PRDM8: variants seen among roughly 807,000 people sequenced by gnomAD.
PRDM8 encodes the protein PR/SET domain 8, also known as PR domain zinc finger protein 8.
Under a neutral mutation model 46.5 loss-of-function variants are expected in PRDM8, and 13 were observed. The observed-to-expected ratio is 0.28, with a 90% CI of 0.18 to 0.44. The LOEUF (loss-of-function observed/expected upper bound fraction) is 0.44, where lower values mean the gene tolerates loss of function less well. Ranked by LOEUF, PRDM8 falls within the 20% of genes least tolerant of loss-of-function variation. The probability of loss-of-function intolerance (pLI) is 1.00; values close to 1 mark genes in which losing one functional copy is unlikely to be tolerated. For synonymous variants in PRDM8, 473 were observed against 438.4 expected, an observed-to-expected ratio of 1.08 and a Z score of -0.98; for missense variants, 998 against 955.0, an observed-to-expected ratio of 1.04 and a Z score of -0.59.
At chr4:80,193,140 A>T (rs1560468117), upstream of PRDM8, among the ~76,000 whole-genome samples, 1 of 152,162 alleles carries the variant, frequency 6.6e-6, no homozygotes, top group Non-Finnish European at 1.5e-5. Flanking sequence ...AGAAGTAATG[A>T]TCCCTACAGT....
chr4:80,189,380 C>A (rs1737371132), intron 1 of PRDM8, among the ~76,000 whole-genome samples: 1 of 151,716 alleles, frequency 6.6e-6, no homozygotes, highest in Non-Finnish European at 1.5e-5. Flanking sequence ...ATCTACCGGG[C>A]AGGCCTTCCG....
chr4:80,190,335 T>C (rs1395289004), intron 1 of PRDM8, among the ~76,000 whole-genome samples: 2 of 152,234 alleles, frequency 1.3e-5, no homozygotes, highest in Non-Finnish European at 2.9e-5. Context: ...CCTTGGGAAC[T>C]GCATTTCCTC....
Position 80,203,741 on chromosome 4 carries a change from C to T in PRDM8, c.*209C>T. ...CAAATATTTACCCGGGACACACACC[C>T]CCCCCCACACACACACACAGACACA... On this transcript the variant is annotated 3_prime_UTR_variant, in exon 4 of 4. Transcript: ENST00000415738. 2.1e-6 allele frequency: 1 copy of T among 480,956 alleles called. No individual in the cohort carries two copies. Among genetic ancestry groups the T allele is most frequent in the Non-Finnish European group, 3.6e-6 (1 of 274,602 alleles). The allele number at this position is 480,956 out of a possible 1,614,324, so 29.8% of individuals were successfully genotyped here.
upstream of PRDM8, chr4:80,195,983 G>A: frequency 2.6e-6 from 2 of 778,160 alleles, no homozygotes; most frequent in Non-Finnish European, 3.1e-6. Context: ...TGAACTTCAT[G>A]GGAAAGTCCT....
upstream of PRDM8, chr4:80,196,286 T>C (rs1183897612): frequency 1.0e-6 from 1 of 977,076 alleles, no homozygotes; most frequent in Non-Finnish European, 1.2e-6. Flanking sequence ...AAAGTAGTGG[T>C]GGTGTGTGTG....
At chr4:80,194,789 A>C (rs2109869078), upstream of PRDM8, among the ~76,000 whole-genome samples, 1 of 152,338 alleles carries the variant, frequency 6.6e-6, no homozygotes, top group African/African-American at 2.4e-5. Context: ...AACTGAAATG[A>C]AGCATCTGTT....
In PRDM8 at chr4:80,202,832, G is replaced by T; in HGVS notation, c.1370G>T (p.Gly457Val). ...SRLEGGSPAR[G>V]SAFTSVPQLG... ...CTCGAGGGCGGCAGTCCTGCGAGGG[G>T]CAGCGCCTTCACTTCGGTGCCGCAG... The change falls in exon 4 of 4, where the codon GGC becomes GTC. Residue 457 changes from glycine (G) to valine (V), a missense_variant. Transcript: ENST00000415738. 1 of 1,229,934 alleles carries T rather than the reference G, an allele frequency of 8.1e-7. No homozygotes were observed. Among genetic ancestry groups the T allele is most frequent in the East Asian group, 3.4e-5 (1 of 29,588 alleles). The allele number at this position is 1,229,934 out of a possible 1,614,324, so 76.2% of individuals were successfully genotyped here.
upstream of PRDM8, chr4:80,196,294 G>A: frequency 1.0e-6 from 1 of 982,604 alleles, no homozygotes; most frequent in Non-Finnish European, 1.2e-6. Flanking sequence ...GGTGGTGTGT[G>A]TGGGGCTGAA....
In PRDM8 at chr4:80,202,155, C is replaced by G. The variant is rs761780517; in HGVS notation, c.693C>G (p.Gly231=). The change falls in exon 4 of 4, where the codon GGC becomes GGG. Residue 231 remains glycine, a synonymous_variant. Coordinates refer to ENST00000415738, the MANE Select transcript of PRDM8 (RefSeq NM_001099403.2). The part of the protein sequence containing the change: ...LGPGPKFCKA[G]PLHHYPSPSP... ...CGGGTCCCAAGTTTTGCAAAGCCGG[C>G]CCCCTCCACCACTACCCATCCCCCT... 3 of 1,610,196 alleles carry G rather than the reference C, an allele frequency of 1.9e-6. No homozygotes were observed. In the South Asian group the frequency reaches 3.3e-5, roughly 18 times the overall value.
chr4:80,196,085 G>C (rs1368613403), upstream of PRDM8: 1 of 984,810 alleles, frequency 1.0e-6, no homozygotes, highest in Non-Finnish European at 1.2e-6. Flanking sequence ...CTGAGTTCCA[G>C]AGAAGGGTCT....
At chr4:80,201,204 G>C in intron 2 of PRDM8, 86 bp from the exon 3 acceptor site, 1 of 1,256,814 alleles carries the variant, frequency 8.0e-7, no homozygotes, top group Non-Finnish European at 1.1e-6. Context: ...TAGAAGAAAT[G>C]GTCTTGATTC....
chr4:80,202,631 A>G lies in PRDM8; in HGVS notation c.1169A>G (p.Lys390Arg). ...EAKRSAFVEV[K>R]KAARAASLQE... ...AAGCGCAGCGCCTTCGTGGAGGTGA[A>G]GAAGGCTGCCCGCGCGGCCAGCCTG... The change falls in exon 4 of 4, where the codon AAG becomes AGG. Residue 390 changes from lysine to arginine, a missense_variant. Coordinates refer to ENST00000415738, the MANE Select transcript of PRDM8 (RefSeq NM_001099403.2). 2 of 1,519,818 alleles carry G rather than the reference A, an allele frequency of 1.3e-6. No homozygotes were observed. Among genetic ancestry groups the G allele is most frequent in the Middle Eastern group, 1.7e-4 (1 of 5,890 alleles). The allele number at this position is 1,519,818 out of a possible 1,614,324, so 94.1% of individuals were successfully genotyped here.
upstream of PRDM8, chr4:80,194,280 T>C (rs755243646): frequency 2.5e-5 from 23 of 902,544 alleles, no homozygotes; most frequent in Non-Finnish European, 3.0e-5. Flanking sequence ...TCTAATTACT[T>C]AATTGGAAAT....
chr4:80,202,307 G>C lies in PRDM8; in HGVS notation c.845G>C (p.Ser282Thr), dbSNP rs1296298879. ...GGCAGCAGCTGCTCCCCAGCCCAGA[G>C]CCTCAGCAGCGGTAGCGGCAGCGGC... ...RGGSSCSPAQ[S>T]LSSGSGSGGG... is the part of the protein sequence containing the mutation. Residue 282 changes from serine (S) to threonine (T), a missense_variant, in exon 4 of 4, where the codon AGC becomes ACC. Transcript: ENST00000415738. 9 of 1,610,406 alleles carry C rather than the reference G, an allele frequency of 5.6e-6. No homozygotes were observed. The highest frequency in any genetic ancestry group is 7.6e-6 in the Non-Finnish European group (9 of 1,179,040).
chr4:80,202,352 A>T lies in PRDM8; in HGVS notation c.890A>T (p.Glu297Val), dbSNP rs779016944. ...SGSGGGGGHQ[E>V]AELSPDGIAT... ...AGCGGCGGCGGCGGCGGCCACCAGG[A>T]GGCGGAGCTGAGTCCCGACGGCATC... The change falls in exon 4 of 4, where the codon GAG becomes GTG. Residue 297 changes from glutamate to valine, a missense_variant. By Grantham distance (121) the Glu-to-Val change is moderately radical (BLOSUM62 -2). Transcript: ENST00000415738. 6.3e-7 allele frequency: 1 copy of T among 1,598,438 alleles called. No homozygotes were observed. Among genetic ancestry groups the T allele is most frequent in the East Asian group, 2.3e-5 (1 of 44,218 alleles).
chr4:80,187,425 G>A (rs541011756), intron 1 of PRDM8, among the ~76,000 whole-genome samples: 1 of 152,218 alleles, frequency 6.6e-6, no homozygotes, highest in Admixed American at 6.5e-5. Flanking sequence ...TTGAAGGAGA[G>A]GGGGAAATGA....
intron 1 of PRDM8, among the ~76,000 whole-genome samples, chr4:80,199,487 T>C (rs1383924483): frequency 6.6e-6 from 1 of 152,126 alleles, no homozygotes; most frequent in African/African-American, 2.4e-5. Context: ...ACAGAATTAG[T>C]GGCCCTGACA....
intron 1 of PRDM8, among the ~76,000 whole-genome samples, chr4:80,199,877 T>G (rs1738298648): frequency 1.3e-5 from 2 of 152,118 alleles, no homozygotes; most frequent in Admixed American, 6.5e-5. Flanking sequence ...TCTCCCACTA[T>G]TCTAATTATT....
chr4:80,204,195 G>A lies in PRDM8; in HGVS notation c.*663G>A, dbSNP rs1253213924. On this transcript the variant is annotated 3_prime_UTR_variant, in exon 4 of 4. Transcript: ENST00000415738. ...TATGTATTTTCTTTTAATACAAAGT[G>A]TAATTTTGTGCCAGTGAAATGGAGT... 6.6e-6 allele frequency: 1 copy of A among 152,614 alleles called. No homozygotes were observed. The highest frequency in any genetic ancestry group is 1.9e-4 in the East Asian group (1 of 5,196). 9.5% of individuals were successfully genotyped at this position (152,614 alleles called of 1,614,324 possible).
Sources: allele counts gnomAD v4.1 joint callset (sites outside exome capture counted in the v4.1 genomes callset), GRCh38; gene constraint gnomAD v4.1.1; transcripts MANE v1.5; gene names NCBI Gene and HGNC (gene_info 2026-07-23, HGNC 2026-07-21).